Variants in NFIA observed in about 807,000 individuals in gnomAD.
NFIA encodes the protein nuclear factor 1 A-type.
A neutral mutation model predicts 62.8 loss-of-function variants in NFIA; 8 were observed. The observed-to-expected ratio is 0.13, with a 90% CI of 0.07 to 0.23. The LOEUF (loss-of-function observed/expected upper bound fraction) is 0.23. Among genes scored for constraint, NFIA ranks in the 10% least tolerant of loss-of-function variants. The pLI is 1.00. For missense variants in NFIA, 410 were observed against 642.1 expected, an observed-to-expected ratio of 0.64 and a Z score of 3.91; for synonymous variants, 235 against 238.1, an observed-to-expected ratio of 0.99 and a Z score of 0.12.
intron 2 of NFIA, among the ~76,000 whole-genome samples, chr1:61,143,787 G>GGTAA (rs1647720095): frequency 6.6e-6 from 1 of 152,074 alleles, no homozygotes; most frequent in South Asian, 2.1e-4. Flanking sequence ...GCAAGTGCAG[G>GGTAA]GTAAGCTCTG....
At chr1:61,447,685 T>C (rs1667873128) in intron 10 of NFIA, among the ~76,000 whole-genome samples, 1 of 152,216 alleles carries the variant, frequency 6.6e-6, no homozygotes, top group Non-Finnish European at 1.5e-5. Context: ...CAGGCTCAAT[T>C]TAATGGATAG....
chr1:61,442,323 G>A (rs1569890499), intron 10 of NFIA, among the ~76,000 whole-genome samples: 1 of 152,278 alleles, frequency 6.6e-6, no homozygotes, highest in East Asian at 1.9e-4. Flanking sequence ...GAAAATTATA[G>A]GTGAATGAAA....
chr1:61,220,940 C>T (rs1229813148), intron 2 of NFIA, among the ~76,000 whole-genome samples: 2 of 152,176 alleles, frequency 1.3e-5, no homozygotes, highest in East Asian at 3.8e-4. Context: ...CATCCCTTTC[C>T]ATACAGATAC....
intron 7 of NFIA, among the ~76,000 whole-genome samples, chr1:61,385,106 C>T (rs1055731545): frequency 2.6e-5 from 4 of 152,010 alleles, no homozygotes; most frequent in African/African-American, 9.7e-5. Flanking sequence ...TGTGGTGGCA[C>T]ATGCCTGTAA....
At chr1:61,431,768 G>T (rs959443262) in intron 10 of NFIA, among the ~76,000 whole-genome samples, 2 of 152,210 alleles carry the variant, frequency 1.3e-5, no homozygotes, top group Non-Finnish European at 2.9e-5. Context: ...CTCTGGTGGG[G>T]GTGCACCCAG....
At chr1:61,248,633 C>T (rs921985991) in intron 2 of NFIA, among the ~76,000 whole-genome samples, 8 of 152,150 alleles carry the variant, frequency 5.3e-5, no homozygotes, top group East Asian at 1.9e-4. Flanking sequence ...AATCCCAAAA[C>T]GTTTCTTTGT....
At chr1:61,283,079 T>A (rs1260160319) in intron 3 of NFIA, among the ~76,000 whole-genome samples, 1 of 152,150 alleles carries the variant, frequency 6.6e-6, no homozygotes, top group Non-Finnish European at 1.5e-5. Context: ...GAATCTACCT[T>A]TCATGTTCAC....
chr1:61,207,221 G>T (rs1652956028), intron 2 of NFIA, among the ~76,000 whole-genome samples: 1 of 152,032 alleles, frequency 6.6e-6, no homozygotes, highest in Non-Finnish European at 1.5e-5. Context: ...TTTAATGAAT[G>T]GTTTGGGGAA....
intron 3 of NFIA, among the ~76,000 whole-genome samples, chr1:61,302,277 T>A (rs1469754530): frequency 6.6e-6 from 1 of 152,196 alleles, no homozygotes; most frequent in Non-Finnish European, 1.5e-5. Context: ...ATTGTTAAGC[T>A]GTTGATCATG....
chr1:61,358,158 C>CT (rs950443296), intron 5 of NFIA, among the ~76,000 whole-genome samples: 7 of 152,022 alleles, frequency 4.6e-5, no homozygotes, highest in Non-Finnish European at 1.0e-4. Flanking sequence ...TTGGGCCACT[C>CT]TTTTTTTATG....
At chr1:61,364,849 C>G (rs1663498692) in intron 6 of NFIA, among the ~76,000 whole-genome samples, 1 of 152,110 alleles carries the variant, frequency 6.6e-6, no homozygotes, top group Non-Finnish European at 1.5e-5. Context: ...CCATATGAGA[C>G]ACTTCAGACC....
At chr1:61,180,679 C>T (rs1650701217) in intron 2 of NFIA, among the ~76,000 whole-genome samples, 1 of 152,064 alleles carries the variant, frequency 6.6e-6, no homozygotes, top group Non-Finnish European at 1.5e-5. Flanking sequence ...TTATAAACAC[C>T]CAAGTAGATG....
upstream of NFIA, among the ~76,000 whole-genome samples, chr1:61,079,859 ATC>A (rs1646074152): frequency 6.6e-6 from 1 of 152,192 alleles, no homozygotes; most frequent in African/African-American, 2.4e-5. Context: ...TTTGAGGAAC[ATC>A]TGTTTCTTTG....
At chr1:61,105,385 T>C (rs1181931635) in intron 2 of NFIA, among the ~76,000 whole-genome samples, 2 of 152,002 alleles carry the variant, frequency 1.3e-5, no homozygotes, top group African/African-American at 4.8e-5. Context: ...GGAAGAACTT[T>C]AACTTTTTTA....
intron 2 of NFIA, among the ~76,000 whole-genome samples, chr1:61,173,914 A>G (rs1180169727): frequency 1.3e-5 from 2 of 152,092 alleles, no homozygotes; most frequent in Non-Finnish European, 2.9e-5. Context: ...GAGGTAATGG[A>G]TGTAGGGTCC....
In NFIA at chr1:61,359,328, G is replaced by GT. The variant is rs1347254564; in HGVS notation, c.946+55dup. On this transcript the variant is annotated intron_variant, in intron 6 of 10. Transcript: ENST00000403491. ...GCTAACACTGTGAAACTGAAAATACGTGTGGGGTCCCATGCCACGCATAAA... is the reference window on the plus strand; with the variant it reads ...GCTAACACTGTGAAACTGAAAATACGTTGTGGGGTCCCATGCCACGCATAAA... 1.9e-6 allele frequency: 3 copies of GT among 1,610,136 alleles called. No homozygotes were observed. The East Asian group carries it at 6.7e-5, about 36-fold the overall frequency.
At chr1:61,448,150 C>G (rs945750731) in intron 10 of NFIA, among the ~76,000 whole-genome samples, 1 of 152,076 alleles carries the variant, frequency 6.6e-6, no homozygotes, top group Non-Finnish European at 1.5e-5. Flanking sequence ...CTGACTACCC[C>G]CTCCCTTCCT....
intron 2 of NFIA, among the ~76,000 whole-genome samples, chr1:61,252,304 G>A (rs1355775682): frequency 6.6e-6 from 1 of 152,140 alleles, no homozygotes; most frequent in Non-Finnish European, 1.5e-5. Context: ...TAGCACTATT[G>A]TTTTTACCAG....
At chr1:61,315,313 C>T (rs1032203164) in intron 3 of NFIA, among the ~76,000 whole-genome samples, 14 of 152,172 alleles carry the variant, frequency 9.2e-5, no homozygotes, top group Non-Finnish European at 1.9e-4. Context: ...CAGTTAACAT[C>T]TGACAAGAAA....
Sources: allele counts gnomAD v4.1 joint callset (sites outside exome capture counted in the v4.1 genomes callset), GRCh38; gene constraint gnomAD v4.1.1; transcripts MANE v1.5; gene names NCBI Gene and HGNC (gene_info 2026-07-23, HGNC 2026-07-21).